Variants in VDAC1 observed in about 807,000 individuals in gnomAD.
VDAC1 encodes non-selective voltage-gated ion channel VDAC1.
Under a neutral mutation model 34.7 loss-of-function variants are expected in VDAC1, and 10 were observed. The observed-to-expected ratio is 0.29, with a 90% confidence interval of 0.18 to 0.49. The LOEUF (loss-of-function observed/expected upper bound fraction) is 0.49. VDAC1 is among the 20% of genes least tolerant of loss of function. VDAC1 has a pLI of 0.99. For missense variants in VDAC1, 230 were observed against 347.9 expected (o/e 0.66, Z 2.69); for synonymous variants, 130 against 136.0 (o/e 0.96, Z 0.30).
intron 5 of VDAC1, among the ~76,000 whole-genome samples, chr5:133,982,108 A>T (rs1752719551): frequency 6.6e-6 from 1 of 152,238 alleles, no homozygotes; most frequent in South Asian, 2.1e-4. Flanking sequence ...CTTACAAGGT[A>T]ACCTGAAGAG....
chr5:133,984,026 C>G (rs1394738483), intron 5 of VDAC1, among the ~76,000 whole-genome samples: 1 of 152,068 alleles, frequency 6.6e-6, no homozygotes, highest in East Asian at 1.9e-4. Flanking sequence ...CCAATTGAAC[C>G]TCTTTTCTTC....
chr5:134,039,414 T>C, the VDAC1 span, among the ~76,000 whole-genome samples: 48 of 152,330 alleles, frequency 3.2e-4, no homozygotes, highest in East Asian at 3.7e-3. Flanking sequence ...CTGTAAGCTC[T>C]GCCTCCTGGG....
chr5:134,074,086 G>A, the VDAC1 span, among the ~76,000 whole-genome samples: 1 of 152,098 alleles, frequency 6.6e-6, no homozygotes, highest in Non-Finnish European at 1.5e-5. Context: ...GCTGAGGCGG[G>A]CAGATCATGA....
the VDAC1 span, among the ~76,000 whole-genome samples, chr5:134,061,778 G>A: frequency 1.1e-4 from 16 of 151,664 alleles, no homozygotes; most frequent in Non-Finnish European, 2.1e-4. Flanking sequence ...ATCTTACTAT[G>A]CTAGCTAAAA....
At chr5:133,996,670 G>A (rs1753326700) in intron 1 of VDAC1, among the ~76,000 whole-genome samples, 1 of 149,934 alleles carries the variant, frequency 6.7e-6, no homozygotes, top group Non-Finnish European at 1.5e-5. Context: ...CGTATATAAA[G>A]ATGCTAAGCC....
the VDAC1 span, among the ~76,000 whole-genome samples, chr5:134,033,154 ATT>A: frequency 4.3e-3 from 541 of 125,374 alleles, 3 homozygotes; most frequent in East Asian, 0.012. Flanking sequence ...GTAGAAACTA[ATT>A]TTTTTTTTTT....
the VDAC1 span, among the ~76,000 whole-genome samples, chr5:134,096,703 C>T: frequency 6.6e-6 from 1 of 152,116 alleles, no homozygotes; most frequent in Non-Finnish European, 1.5e-5. Flanking sequence ...AAGTGATCCT[C>T]CCACCTCAGC....
the VDAC1 span, among the ~76,000 whole-genome samples, chr5:134,054,064 A>G: frequency 2.0e-5 from 3 of 152,240 alleles, no homozygotes; most frequent in Admixed American, 6.5e-5. Flanking sequence ...TGGTATAAGC[A>G]GTAAAACATT....
rs1421874928 is a variant in VDAC1 at position 133,999,120 on chromosome 5, G to A, written c.-7+5775C>T. Among the ~76,000 whole-genome samples, 4 of 152,246 alleles carry A rather than the reference G, an allele frequency of 2.6e-5. No homozygotes were observed. The East Asian group carries it at 7.7e-4, about 29-fold the overall frequency. On this transcript the variant is annotated intron_variant, in intron 1 of 8. Coordinates refer to ENST00000265333, the MANE Select transcript of VDAC1 (RefSeq NM_003374.3). ...GAATGCAGGAGTTCGAGACCAGCCT[G>A]GGCAATACAGTGAGACCCTGTCTCT...
intron 3 of VDAC1, 54 bp from the exon 4 acceptor site, chr5:133,991,208 A>C: frequency 6.3e-7 from 1 of 1,599,686 alleles, no homozygotes. Flanking sequence ...ACTTGGCTTC[A>C]CTTCACTCCT....
At chr5:134,080,472 A>C in the VDAC1 span, among the ~76,000 whole-genome samples, 2 of 57,000 alleles carry the variant, frequency 3.5e-5, no homozygotes, top group African/African-American at 6.3e-5. Flanking sequence ...AGTGAAACAA[A>C]AACTGCAAGC....
chr5:133,973,668 A>G (rs781023382), intron 8 of VDAC1, 123 bp downstream of exon 8: 6 of 770,202 alleles, frequency 7.8e-6, no homozygotes, highest in Non-Finnish European at 1.1e-5. Flanking sequence ...TACTTTACAT[A>G]TATCCATTTA....
At chr5:134,072,280 G>C in the VDAC1 span, among the ~76,000 whole-genome samples, 1 of 152,042 alleles carries the variant, frequency 6.6e-6, no homozygotes, top group South Asian at 2.1e-4. Flanking sequence ...AGAGAGAGAG[G>C]GTACCCCAAA....
At chr5:134,062,314 G>A in the VDAC1 span, among the ~76,000 whole-genome samples, 2 of 151,720 alleles carry the variant, frequency 1.3e-5, no homozygotes, top group Non-Finnish European at 2.9e-5. Context: ...GAGTGATACG[G>A]AATTTTTATC....
the VDAC1 span, among the ~76,000 whole-genome samples, chr5:134,027,916 G>A: frequency 1.3e-5 from 2 of 149,552 alleles, no homozygotes; most frequent in Non-Finnish European, 1.5e-5. Flanking sequence ...GATTACAGGC[G>A]CCCACCACCA....
At chr5:134,054,604 C>A in the VDAC1 span, among the ~76,000 whole-genome samples, 1 of 151,886 alleles carries the variant, frequency 6.6e-6, no homozygotes, top group Admixed American at 6.6e-5. Flanking sequence ...TAATTACAGG[C>A]GCCCATCGTC....
At chr5:134,113,115 G>A in the VDAC1 span, among the ~76,000 whole-genome samples, 162 of 152,276 alleles carry the variant, frequency 1.1e-3, 1 homozygote, top group East Asian at 0.028. Context: ...GGGCAGGGCC[G>A]AGCCCCCCCT....
the VDAC1 span, among the ~76,000 whole-genome samples, chr5:134,103,180 G>A: frequency 6.6e-6 from 1 of 152,064 alleles, no homozygotes; most frequent in African/African-American, 2.4e-5. Context: ...GGAGTGCAGT[G>A]GTGCAATCTC....
chr5:134,092,619 T>C, the VDAC1 span, among the ~76,000 whole-genome samples: 1 of 149,724 alleles, frequency 6.7e-6, no homozygotes, highest in African/African-American at 2.5e-5. Flanking sequence ...GAGGTTGCAG[T>C]GAGCTGTGAT....
Sources: allele counts gnomAD v4.1 joint callset (sites outside exome capture counted in the v4.1 genomes callset), GRCh38; gene constraint gnomAD v4.1.1; transcripts MANE v1.5; gene names NCBI Gene and HGNC (gene_info 2026-07-23, HGNC 2026-07-21).